Variants in NDST3 observed in about 807,000 individuals in gnomAD.
The protein encoded by NDST3 is bifunctional heparan sulfate N-deacetylase/N-sulfotransferase 3.
NDST3 carries 58 observed loss-of-function variants against 96.1 expected under a neutral mutation model. The observed-to-expected ratio is 0.60, with a 90% confidence interval of 0.49 to 0.75. The LOEUF is 0.75. Among genes scored for constraint, NDST3 ranks in the 30% least tolerant of loss-of-function variants. The probability of loss-of-function intolerance (pLI) is 0.00; values close to 1 mark genes in which losing one functional copy is unlikely to be tolerated. For synonymous variants in NDST3, 333 were observed against 359.7 expected (o/e 0.93, Z 0.84); for missense variants, 788 against 1,034.2 (o/e 0.76, Z 3.27).
intron 10 of NDST3, among the ~76,000 whole-genome samples, chr4:118,239,892 T>TA (rs549557096): frequency 0.039 from 5,937 of 152,250 alleles, 176 homozygotes; most frequent in African/African-American, 0.085. Context: ...TGAGCAATCC[T>TA]GTTGGATTGC....
At chr4:118,157,227 T>C (rs1297414651) in intron 6 of NDST3, among the ~76,000 whole-genome samples, 2 of 152,046 alleles carry the variant, frequency 1.3e-5, no homozygotes, top group Non-Finnish European at 1.5e-5. Context: ...TACCTACTTG[T>C]ACGAAAAGAA....
chr4:118,149,166 T>C (rs1186975757), intron 6 of NDST3, among the ~76,000 whole-genome samples: 2 of 152,204 alleles, frequency 1.3e-5, no homozygotes, highest in Non-Finnish European at 1.5e-5. Flanking sequence ...AGCCTTGTAG[T>C]ATAGTTTGAA....
rs74331458 is a variant in NDST3, at chr4:118,178,918, T to C, written c.1539+35234T>C. Among the ~76,000 whole-genome samples the C allele has an allele frequency of 9.3e-3, 1,422 of 152,182 alleles. 26 individuals carry two copies. Among genetic ancestry groups the C allele is most frequent in the Middle Eastern group, 0.082 (24 of 294 alleles). Reference sequence around the variant, plus strand: ...TTTAGTATTGCCAAATATTGTGATTTATCCTACTTGCAAGCTAAAAGTTGG... The same window carrying C: ...TTTAGTATTGCCAAATATTGTGATTCATCCTACTTGCAAGCTAAAAGTTGG... On this transcript the variant is annotated intron_variant, in intron 6 of 13. Coordinates refer to ENST00000296499, the MANE Select transcript of NDST3 (RefSeq NM_004784.3).
In NDST3 at chr4:118,253,485, CTTT is replaced by C. The variant is rs5861382; in HGVS notation, c.2400-5_2400-3del. 2.0e-5 allele frequency: 25 copies of C among 1,268,704 alleles called. 1 individual carries two copies. In the South Asian group the frequency reaches 2.6e-4, roughly 13 times the overall value. The allele number at this position is 1,268,704 out of a possible 1,614,324, so 78.6% of individuals were successfully genotyped here. On this transcript the variant is annotated splice_polypyrimidine_tract_variant and intron_variant, in intron 12 of 13. Transcript: ENST00000296499. ...ATTTTCTGGTTTTTCTGTGTGTATT[CTTT>C]TTTTTTTTAGGTTTGATTCTCATAA...
intron 10 of NDST3, among the ~76,000 whole-genome samples, chr4:118,239,059 C>A (rs576102876): frequency 1.3e-5 from 2 of 152,268 alleles, no homozygotes; most frequent in South Asian, 4.1e-4. Flanking sequence ...TGTACAAAAA[C>A]CTCTAATCTG....
At chr4:118,059,737 A>C (rs1326896403) in intron 2 of NDST3, among the ~76,000 whole-genome samples, 1 of 152,104 alleles carries the variant, frequency 6.6e-6, no homozygotes, top group Non-Finnish European at 1.5e-5. Context: ...ACTGCAATCA[A>C]TTATTCTGTC....
At chr4:118,250,081 T>C (rs912962444) in intron 12 of NDST3, among the ~76,000 whole-genome samples, 11 of 152,206 alleles carry the variant, frequency 7.2e-5, no homozygotes, top group African/African-American at 2.4e-4. Flanking sequence ...TTTATGGATG[T>C]ACCACAATTT....
At chr4:118,093,473 A>G (rs1729045591) in intron 2 of NDST3, among the ~76,000 whole-genome samples, 1 of 151,888 alleles carries the variant, frequency 6.6e-6, no homozygotes, top group South Asian at 2.1e-4. Flanking sequence ...ATTGAACATC[A>G]GTGATGGGAC....
At chr4:118,148,343 A>G (rs1245647835) in intron 6 of NDST3, among the ~76,000 whole-genome samples, 1 of 152,200 alleles carries the variant, frequency 6.6e-6, no homozygotes, top group African/African-American at 2.4e-5. Context: ...ATTCAGGTGA[A>G]GCAAATCCCT....
intron 6 of NDST3, among the ~76,000 whole-genome samples, chr4:118,153,232 C>T (rs1734515533): frequency 6.6e-6 from 1 of 152,124 alleles, no homozygotes; most frequent in Admixed American, 6.5e-5. Context: ...TAGATGGGAC[C>T]AGCTAATTTT....
chr4:118,105,123 A>G lies in NDST3; in HGVS notation c.1069+18A>G. ...CCATACAGGTAAGAAAAAGGGATTA[A>G]CTGTTCTCATTAAGGCTTCTCTGAT... On this transcript the variant is annotated intron_variant, in intron 3 of 13. Transcript: ENST00000296499. 6.3e-7 allele frequency: 1 copy of G among 1,578,710 alleles called. No homozygotes were observed. The highest frequency in any genetic ancestry group is 2.2e-5 in the East Asian group (1 of 44,598).
intron 12 of NDST3, among the ~76,000 whole-genome samples, chr4:118,244,426 GCTT>G (rs1741185704): frequency 1.3e-5 from 2 of 152,084 alleles, no homozygotes; most frequent in South Asian, 4.1e-4. Flanking sequence ...CTTTGGTATT[GCTT>G]CTTATTTTTT....
chr4:118,245,510 A>G (rs1741252127), intron 12 of NDST3, among the ~76,000 whole-genome samples: 1 of 152,154 alleles, frequency 6.6e-6, no homozygotes. Flanking sequence ...ATAGCTTTTA[A>G]TATAACTTCC....
At chr4:118,222,619 A>C (rs1440175679) in intron 6 of NDST3, among the ~76,000 whole-genome samples, 1 of 151,970 alleles carries the variant, frequency 6.6e-6, no homozygotes, top group Non-Finnish European at 1.5e-5. Context: ...AACATTTGGG[A>C]AAAGTTCCAC....
Position 118,053,799 on chromosome 4 carries a change from G to T in NDST3, c.-112G>T, listed in dbSNP as rs1560609275. The stretch of plus-strand genomic sequence containing the variant: ...CCTGATCAAGTGATACAAATGAGCT[G>T]CAATGGTGACATAAACTCTTGACAG... On this transcript the variant is annotated 5_prime_UTR_variant, in exon 2 of 14. Coordinates refer to ENST00000296499, the MANE Select transcript of NDST3 (RefSeq NM_004784.3). 1.8e-6 allele frequency: 2 copies of T among 1,142,706 alleles called. No homozygotes were observed. Among genetic ancestry groups the T allele is most frequent in the Non-Finnish European group, 2.5e-6 (2 of 812,544 alleles). The allele number at this position is 1,142,706 out of a possible 1,614,324, so 70.8% of individuals were successfully genotyped here.
upstream of NDST3, chr4:118,033,862 A>G: frequency 6.6e-6 from 1 of 152,406 alleles, no homozygotes; most frequent in Non-Finnish European, 1.5e-5. Flanking sequence ...GGAGCGGCTG[A>G]GGCCGAAGAC....
intron 2 of NDST3, among the ~76,000 whole-genome samples, chr4:118,062,227 A>G (rs1302009346): frequency 6.6e-6 from 1 of 152,138 alleles, no homozygotes; most frequent in Non-Finnish European, 1.5e-5. Flanking sequence ...GATTTTATGC[A>G]TTGTAAATGT....
chr4:118,220,277 T>C (rs1739453324), intron 6 of NDST3, among the ~76,000 whole-genome samples: 3 of 151,784 alleles, frequency 2.0e-5, no homozygotes, highest in Admixed American at 2.0e-4. Flanking sequence ...TATACAGCCA[T>C]AAAAAGGAAT....
chr4:118,137,195 T>A (rs1191964935), intron 4 of NDST3, among the ~76,000 whole-genome samples: 1 of 152,180 alleles, frequency 6.6e-6, no homozygotes, highest in Non-Finnish European at 1.5e-5. Context: ...TGAGTGGAAT[T>A]TTTGAAGATT....
Sources: gnomAD v4.1 joint callset for allele counts (sites outside exome capture counted in the v4.1 genomes callset) on GRCh38, gnomAD v4.1.1 for gene constraint, MANE v1.5 for transcripts, NCBI Gene and HGNC (gene_info 2026-07-23, HGNC 2026-07-21) for gene names.